Variants in CTNNA2 observed in about 807,000 individuals in gnomAD.
The protein encoded by CTNNA2 is catenin alpha 2.
Under a neutral mutation model 101.0 loss-of-function variants are expected in CTNNA2, and 42 were observed. The observed-to-expected ratio is 0.42, with a 90% CI of 0.32 to 0.54. CTNNA2 has a LOEUF of 0.54. Ranked by LOEUF, CTNNA2 falls within the 20% of genes least tolerant of loss-of-function variation. The probability of loss-of-function intolerance (pLI) is 0.14; values close to 1 mark genes in which losing one functional copy is unlikely to be tolerated. For synonymous variants in CTNNA2, 450 were observed against 456.4 expected (o/e 0.99, Z 0.18); for missense variants, 871 against 1,223.1 (o/e 0.71, Z 4.29).
At chr2:79,623,854 T>C (rs1263742817) in intron 1 of CTNNA2, among the ~76,000 whole-genome samples, 1 of 152,196 alleles carries the variant, frequency 6.6e-6, no homozygotes, top group African/African-American at 2.4e-5. Context: ...TTTACTTTGT[T>C]TCAAATATTA....
At chr2:79,912,906 A>G (rs1685908754) in intron 7 of CTNNA2, among the ~76,000 whole-genome samples, 1 of 152,204 alleles carries the variant, frequency 6.6e-6, no homozygotes, top group South Asian at 2.1e-4. Flanking sequence ...GGCAGTATAA[A>G]CATAACATTT....
chr2:79,405,006 T>C (rs1427103715), intron 4 of CTNNA2, among the ~76,000 whole-genome samples: 1 of 152,068 alleles, frequency 6.6e-6, no homozygotes, highest in Non-Finnish European at 1.5e-5. Flanking sequence ...TAAGTATATT[T>C]ATGAATTATA....
rs1690992026 is a variant in CTNNA2 at position 80,536,127 on chromosome 2, G to T, written c.1291-8855G>T. Among the ~76,000 whole-genome samples, 4 of 152,306 alleles carry T rather than the reference G, an allele frequency of 2.6e-5. No individual in the cohort carries two copies. The South Asian group carries it at 8.3e-4, about 32-fold the overall frequency. ...GTATTATAGGAGTCATGTTCTGTAG[G>T]AACCTTGTGGTTCTCTAGAAGATAG... is the stretch of plus-strand genomic sequence containing the variant. On this transcript the variant is annotated intron_variant, in intron 9 of 18. Coordinates refer to ENST00000402739, the MANE Select transcript of CTNNA2 (RefSeq NM_001282597.3).
At chr2:80,637,858 T>C (rs1259472189) in intron 18 of CTNNA2, among the ~76,000 whole-genome samples, 2 of 152,166 alleles carry the variant, frequency 1.3e-5, no homozygotes, top group Non-Finnish European at 2.9e-5. Flanking sequence ...ACTCTTCTAG[T>C]CTACTTTTCT....
At chr2:80,477,664 CA>C (rs1685831174) in intron 9 of CTNNA2, among the ~76,000 whole-genome samples, 1 of 151,834 alleles carries the variant, frequency 6.6e-6, no homozygotes, top group African/African-American at 2.4e-5. Context: ...CAGGTCCACC[CA>C]AGTTTCTGCA....
At chr2:79,977,203 C>A (rs648361) in intron 7 of CTNNA2, among the ~76,000 whole-genome samples, 73,066 of 150,088 alleles carry the variant, frequency 0.49, 20,210 homozygotes, top group Non-Finnish European at 0.64. Context: ...TACACACACA[C>A]GTGCACATGC....
rs138970422 is a variant in CTNNA2, at chr2:79,694,542, GT to G, written c.102+42894del. On this transcript the variant is annotated intron_variant, in intron 2 of 18. Transcript: ENST00000402739. ...CTTAGTATTTAAGTTTCATTTCTGT[GT>G]TTTTTTTTTAACATTGGAAAATAAT... Among the ~76,000 whole-genome samples, 65 of 148,002 alleles carry G rather than the reference GT, an allele frequency of 4.4e-4. 1 individual carries two copies. The highest frequency in any genetic ancestry group is 3.5e-3 in the Middle Eastern group (1 of 284).
chr2:79,812,484 A>G lies in CTNNA2; in HGVS notation c.299-45529A>G, dbSNP rs1269795936. 5.3e-5 allele frequency among the ~76,000 whole-genome samples: 8 copies of G among 152,164 alleles called. No individual in the cohort carries two copies. In the East Asian group the frequency reaches 7.7e-4, roughly 15 times the overall value. On this transcript the variant is annotated intron_variant, in intron 3 of 18. Transcript: ENST00000402739. ...GCGGCATTTATTTGCATCTATTGCA[A>G]TGATCACAATGATCACAGTAAAAGG...
Position 79,416,221 on chromosome 2 carries a change from T to C in CTNNA2, c.-135+42208T>C, listed in dbSNP as rs1419779819. ...TTCACATTAGGAGCAGGGAGGGATA[T>C]ATATCTCATGTCTCCTTGTCTTCTT... On this transcript the variant is annotated intron_variant, in intron 4 of 21. Transcript: ENST00000466387. 2.6e-5 allele frequency among the ~76,000 whole-genome samples: 4 copies of C among 151,412 alleles called. No homozygotes were observed. In the East Asian group the frequency reaches 5.9e-4, roughly 22 times the overall value.
At chr2:79,409,842 T>G (rs1015282687) in intron 4 of CTNNA2, among the ~76,000 whole-genome samples, 9 of 151,428 alleles carry the variant, frequency 5.9e-5, no homozygotes, top group Non-Finnish European at 1.0e-4. Flanking sequence ...GTGAAGAAAG[T>G]CATTGGTAGC....
At chr2:79,515,433 G>A (rs1440261789) in intron 1 of CTNNA2, among the ~76,000 whole-genome samples, 5 of 152,192 alleles carry the variant, frequency 3.3e-5, no homozygotes, top group Non-Finnish European at 7.3e-5. Context: ...TGAATGTGGG[G>A]AGGTGGCAGC....
intron 4 of CTNNA2, among the ~76,000 whole-genome samples, chr2:79,443,031 A>G (rs72820639): frequency 0.046 from 7,026 of 152,268 alleles, 276 homozygotes; most frequent in East Asian, 0.11. Context: ...ACCCTAAGAT[A>G]CTGACAAGGA....
intron 4 of CTNNA2, among the ~76,000 whole-genome samples, chr2:79,406,202 T>A (rs769022049): frequency 6.6e-6 from 1 of 152,004 alleles, no homozygotes; most frequent in Non-Finnish European, 1.5e-5. Flanking sequence ...TCAAAAAGAA[T>A]CATGGCATCT....
At chr2:79,427,756 G>A (rs1678608398) in intron 4 of CTNNA2, among the ~76,000 whole-genome samples, 1 of 151,892 alleles carries the variant, frequency 6.6e-6, no homozygotes, top group Non-Finnish European at 1.5e-5. Context: ...CTGAGGTCCG[G>A]CTTCTAGGGT....
At chr2:79,282,668 T>C (rs2104341513) in intron 2 of CTNNA2, among the ~76,000 whole-genome samples, 1 of 144,580 alleles carries the variant, frequency 6.9e-6, no homozygotes, top group Non-Finnish European at 1.5e-5. Flanking sequence ...TGTTGGACAT[T>C]TGGGTTGGTT....
intron 4 of CTNNA2, among the ~76,000 whole-genome samples, chr2:79,400,549 A>G (rs1678279029): frequency 6.6e-6 from 1 of 152,048 alleles, no homozygotes; most frequent in South Asian, 2.1e-4. Flanking sequence ...ACTGTCGAAA[A>G]GAAAAAATCG....
intron 7 of CTNNA2, among the ~76,000 whole-genome samples, chr2:80,358,343 CTTTTTTTTTT>C (rs35040432): frequency 0.054 from 5,376 of 99,832 alleles, 407 homozygotes; most frequent in African/African-American, 0.17. Flanking sequence ...TAGTATTCTA[CTTTTTTTTTT>C]TTTTTTTTTT....
At chr2:79,511,132 T>C (rs1671528135), upstream of CTNNA2, among the ~76,000 whole-genome samples, 1 of 152,224 alleles carries the variant, frequency 6.6e-6, no homozygotes. Flanking sequence ...ACGTGCATGC[T>C]CTACCTCATT....
chr2:80,586,758 T>C (rs888672221), intron 14 of CTNNA2, among the ~76,000 whole-genome samples: 2 of 152,242 alleles, frequency 1.3e-5, no homozygotes, highest in Admixed American at 6.5e-5. Context: ...AAGTCTGGAT[T>C]TTTAAATATG....
Sources: allele counts gnomAD v4.1 joint callset (sites outside exome capture counted in the v4.1 genomes callset), GRCh38; gene constraint gnomAD v4.1.1; transcripts MANE v1.5; gene names NCBI Gene and HGNC (gene_info 2026-07-23, HGNC 2026-07-21).